The following MAPK15 variants were observed in gnomAD, a reference collection of about 807,000 sequenced individuals.
MAPK15 encodes mitogen-activated protein kinase 15, also known as ERK-7.
Under a neutral mutation model 60.8 loss-of-function variants are expected in MAPK15, and 61 were observed. The ratio of observed to expected loss-of-function variants is 1.00; its 90% confidence interval spans 0.82 to 1.24. MAPK15 has a LOEUF of 1.24. Among genes scored for constraint, MAPK15 ranks in the 50% most tolerant of loss-of-function variants. The probability of loss-of-function intolerance (pLI) is 0.00; values close to 1 mark genes in which losing one functional copy is unlikely to be tolerated. For synonymous variants in MAPK15, 356 were observed against 319.9 expected, an observed-to-expected ratio of 1.11 and a Z score of -1.21; for missense variants, 808 against 741.1, an observed-to-expected ratio of 1.09 and a Z score of -1.05.
At chr8:143,721,473 C>T in intron 11 of MAPK15, 62 bp downstream of exon 11, 2 of 1,610,954 alleles carry the variant, frequency 1.2e-6, no homozygotes, top group Admixed American at 3.4e-5. Context: ...GCCTGTGCTG[C>T]CAACTATGCG....
intron 13 of MAPK15, 41 bp downstream of exon 13, chr8:143,721,921 T>A: frequency 6.6e-7 from 1 of 1,506,136 alleles, no homozygotes; most frequent in Non-Finnish European, 8.9e-7. Context: ...TCATCCTCCT[T>A]TCCCCTTTCC....
Position 143,721,747 on chromosome 8 carries a change from C to T in MAPK15, c.1330-5C>T, listed in dbSNP as rs115271756. Reference sequence around the variant, plus strand: ...TCAGTGACCCTGTGACATGGCCCTTCCCAGGTGAAGCCAAGCGGGAGGGGA... The same window carrying T: ...TCAGTGACCCTGTGACATGGCCCTTTCCAGGTGAAGCCAAGCGGGAGGGGA... On this transcript the variant is annotated splice_region_variant and splice_polypyrimidine_tract_variant and intron_variant, in intron 12 of 13. Transcript: ENST00000338033. 3.8e-3 allele frequency: 6,169 copies of T among 1,613,588 alleles called. 16 individuals carry two copies. Among genetic ancestry groups the T allele is most frequent in the Non-Finnish European group, 4.7e-3 (5,493 of 1,179,854 alleles).
Position 143,722,392 on chromosome 8 carries a change from G to A in MAPK15, c.*141G>A. On this transcript the variant is annotated 3_prime_UTR_variant, in exon 14 of 14. Transcript: ENST00000338033. ...CAGGGAGCTTGCCCGGGTCTCCTCG[G>A]GGGAGCAGATGAGGGCCCTGCCCCC... The A allele has an allele frequency of 1.4e-6, 1 of 710,760 alleles. No homozygotes were observed. Among genetic ancestry groups the A allele is most frequent in the Non-Finnish European group, 2.2e-6 (1 of 456,910 alleles). The allele number at this position is 710,760 out of a possible 1,614,324, so 44.0% of individuals were successfully genotyped here.
In MAPK15 at chr8:143,721,888, C is replaced by T. The variant is rs201507503; in HGVS notation, c.1458+8C>T. On this transcript the variant is annotated splice_region_variant and intron_variant, in intron 13 of 13. Transcript: ENST00000338033. ...GTGGCCAGCGTACAACAGGTAAGCC[C>T]GGCCCAGTCTGCCCCCGTCCCCTCA... 48 of 1,567,160 alleles carry T rather than the reference C, an allele frequency of 3.1e-5. No homozygotes were observed. The highest frequency in any genetic ancestry group is 1.7e-4 in the Middle Eastern group (1 of 5,842).
intron 6 of MAPK15, 30 bp downstream of exon 6, chr8:143,719,186 C>A: frequency 6.7e-7 from 1 of 1,494,784 alleles, no homozygotes; most frequent in Non-Finnish European, 9.0e-7. Context: ...AACCCCCCCT[C>A]CACCTCCCTG....
At position 143,720,584 on chromosome 8, in the gene MAPK15, C is replaced by A; in HGVS notation, c.780-119C>A. On this transcript the variant is annotated intron_variant, in intron 8 of 13. Transcript: ENST00000338033. The surrounding 1 kb of genome is among the most constrained non-coding windows in gnomAD (Gnocchi z 4.6). ...GCCTGCAGGTCAGGCACAGGGGCATCTACCTAGACAGGACAGCAGGGTGGA... is the reference window on the plus strand; with the variant it reads ...GCCTGCAGGTCAGGCACAGGGGCATATACCTAGACAGGACAGCAGGGTGGA... 1 of 1,486,278 alleles carries A rather than the reference C, an allele frequency of 6.7e-7. No individual in the cohort carries two copies. 92.1% of individuals were successfully genotyped at this position (1,486,278 alleles called of 1,614,324 possible).
Position 143,716,377 on chromosome 8 carries a change from C to A in MAPK15, c.-1C>A. ...AAGGCCCCGCGGGCGTCCTGGCCGC[C>A]ATGTGCACCGTAGTGGACCCTCGCA... On this transcript the variant is annotated 5_prime_UTR_variant, in exon 1 of 14. Transcript: ENST00000338033. The A allele has an allele frequency of 6.3e-7, 1 of 1,595,068 alleles. No individual in the cohort carries two copies. The highest frequency in any genetic ancestry group is 8.5e-7 in the Non-Finnish European group (1 of 1,172,966).
intron 7 of MAPK15, among the ~76,000 whole-genome samples, chr8:143,719,916 G>T (rs1817979719): frequency 6.6e-6 from 1 of 152,056 alleles, no homozygotes. Context: ...GGGCAAGAGG[G>T]AGCTGCACCG....
At position 143,719,265 on chromosome 8, in the gene MAPK15, C is replaced by T. The variant is rs1195242802; in HGVS notation, c.582-78C>T. On this transcript the variant is annotated intron_variant, in intron 6 of 13. Coordinates refer to ENST00000338033, the MANE Select transcript of MAPK15 (RefSeq NM_139021.3). ...GACCCTGCCTTGGTCCACAAGTGTT[C>T]CCCCATTCACCCCCCAGCAACCCCA... The T allele has an allele frequency of 3.3e-6, 5 of 1,513,142 alleles. No individual in the cohort carries two copies. The African/African-American group carries it at 5.5e-5, about 17-fold the overall frequency. The allele number at this position is 1,513,142 out of a possible 1,614,324, so 93.7% of individuals were successfully genotyped here. A position where few individuals can be genotyped will look rare whatever the true frequency, so the allele number is the denominator to read the frequency against.
rs367874289 is a variant in MAPK15 at position 143,720,691 on chromosome 8, G to A, written c.780-12G>A. 11 of 1,607,354 alleles carry A rather than the reference G, an allele frequency of 6.8e-6. No homozygotes were observed. The highest frequency in any genetic ancestry group is 1.6e-4 in the Middle Eastern group (1 of 6,068). On this transcript the variant is annotated splice_polypyrimidine_tract_variant and intron_variant, in intron 8 of 13. Coordinates refer to ENST00000338033, the MANE Select transcript of MAPK15 (RefSeq NM_139021.3). The surrounding 1 kb of genome is among the most constrained non-coding windows in gnomAD (Gnocchi z 4.6). ...GGGTCGGGCCCTGGAGACGACACACGGCAGCCCACAGGCCACGACAGACGC... is the reference window on the plus strand; with the variant it reads ...GGGTCGGGCCCTGGAGACGACACACAGCAGCCCACAGGCCACGACAGACGC...
chr8:143,721,003 C>T lies in MAPK15; in HGVS notation c.921C>T (p.Phe307=), dbSNP rs782419755. The T allele has an allele frequency of 4.8e-5, 78 of 1,609,702 alleles. No individual in the cohort carries two copies. In the Admixed American group the frequency reaches 1.2e-3, roughly 25 times the overall value. ...CCACCTCCCTGGCTCCCTGCAGGTT[C>T]CACTGCCCCAGCGACGAGTGGGCAC... is the stretch of plus-strand genomic sequence containing the variant. The part of the protein sequence containing the change: ...QALQHPYVQR[F]HCPSDEWARE... The change falls in exon 10 of 14, where the codon TTC becomes TTT. Residue 307 remains phenylalanine (F), a synonymous_variant. Transcript: ENST00000338033.
At chr8:143,716,784 G>A (rs1817827897) in intron 1 of MAPK15, among the ~76,000 whole-genome samples, 5 of 152,240 alleles carry the variant, frequency 3.3e-5, no homozygotes. Context: ...GCCCGCGCCC[G>A]GGTCACTGAG....
Position 143,717,729 on chromosome 8 carries a change from G to C in MAPK15, c.102G>C (p.Arg34Ser). ...YGIVWKAVDR[R>S]TGEVVAIKKI... ...TTGTGTGGAAGGCAGTGGACCGGAGGACTGGTGAGGTCGTGGCCATCAAGA... is the reference window on the plus strand; with the variant it reads ...TTGTGTGGAAGGCAGTGGACCGGAGCACTGGTGAGGTCGTGGCCATCAAGA... Residue 34 changes from arginine to serine, a missense_variant, in exon 2 of 14, where the codon AGG (arginine) becomes AGC (serine). Physicochemically the swap from Arg to Ser is moderately radical, Grantham distance 110. Coordinates refer to ENST00000338033, the MANE Select transcript of MAPK15 (RefSeq NM_139021.3). The C allele has an allele frequency of 6.2e-7, 1 of 1,611,924 alleles. No homozygotes were observed. Among genetic ancestry groups the C allele is most frequent in the Non-Finnish European group, 8.5e-7 (1 of 1,179,308 alleles).
At chr8:143,718,654 G>A (rs1817905880) in intron 4 of MAPK15, 121 bp from the exon 5 acceptor site, 3 of 865,324 alleles carry the variant, frequency 3.5e-6, no homozygotes, top group Admixed American at 2.5e-5. Context: ...TGGAGGAGCG[G>A]GGCGGCCAGG....
intron 1 of MAPK15, 67 bp from the exon 2 acceptor site, chr8:143,717,627 G>A (rs1587432442): frequency 1.3e-5 from 17 of 1,358,338 alleles, no homozygotes; most frequent in South Asian, 8.7e-5. Context: ...CATGTCTGTA[G>A]GGACAATCTG....
Position 143,720,232 on chromosome 8 carries a change from C to T in MAPK15, c.724C>T (p.Leu242Phe). Reference sequence around the variant, plus strand: ...CACACCACCTTCTGCTGCCCCAGACCTCCTGGCTCTCGGCTCAGGCTGCCG... The same window carrying T: ...CACACCACCTTCTGCTGCCCCAGACTTCCTGGCTCTCGGCTCAGGCTGCCG... The part of the protein sequence containing the change: ...ETIPPPSEED[L>F]LALGSGCRAS... The change falls in exon 8 of 14, where the codon CTC (leucine) becomes TTC (phenylalanine). Residue 242 changes from leucine (L) to phenylalanine (F), a missense_variant and splice_region_variant. Physicochemically the swap from Leu to Phe is conservative, Grantham distance 22 (BLOSUM62 0). Coordinates refer to ENST00000338033, the MANE Select transcript of MAPK15 (RefSeq NM_139021.3). The surrounding 1 kb of genome is among the most constrained non-coding windows in gnomAD (Gnocchi z 4.6). 1 of 1,576,554 alleles carries T rather than the reference C, an allele frequency of 6.3e-7. No individual in the cohort carries two copies. The highest frequency in any genetic ancestry group is 1.2e-5 in the South Asian group (1 of 86,004).
rs535573435 is a variant in MAPK15, at chr8:143,720,972, C to T, written c.918-28C>T. On this transcript the variant is annotated intron_variant, in intron 9 of 13. Transcript: ENST00000338033. The surrounding 1 kb of genome is among the most constrained non-coding windows in gnomAD (Gnocchi z 4.6). ...TTGAGGGGCTCCCTTGGCCGCAGCC[C>T]GGGCCCCACCTCCCTGGCTCCCTGC... 3.4e-5 allele frequency: 54 copies of T among 1,593,976 alleles called. No homozygotes were observed. The highest frequency in any genetic ancestry group is 5.6e-5 in the South Asian group (5 of 89,130).
chr8:143,721,507 G>T (rs1383580582), intron 11 of MAPK15, 42 bp from the exon 12 acceptor site: 1 of 1,612,572 alleles, frequency 6.2e-7, no homozygotes, highest in East Asian at 2.2e-5. Flanking sequence ...CTGACCCTGG[G>T]GTTGACCCAC....
rs368307354 is a variant in MAPK15 at position 143,722,230 on chromosome 8, G to A, written c.1614G>A (p.Leu538=). ...VCHSALGHLP[L]LEGHHV ...ACTCGGCACTGGGCCACCTGCCCCTGCTGGAGGGGCACCATGTGTGAGCCG... is the reference window on the plus strand; with the variant it reads ...ACTCGGCACTGGGCCACCTGCCCCTACTGGAGGGGCACCATGTGTGAGCCG... The change falls in exon 14 of 14, where the codon CTG becomes CTA. Residue 538 remains leucine, a synonymous_variant. Transcript: ENST00000338033. 1.7e-5 allele frequency: 27 copies of A among 1,592,152 alleles called. No homozygotes were observed. The African/African-American group carries it at 1.7e-4, about 10-fold the overall frequency.
Sources: gnomAD v4.1 joint callset for allele counts (sites outside exome capture counted in the v4.1 genomes callset) on GRCh38, gnomAD v4.1.1 for gene constraint, Gnocchi (gnomAD v3.1) non-coding constraint, MANE v1.5 for transcripts, NCBI Gene and HGNC (gene_info 2026-07-23, HGNC 2026-07-21) for gene names.